The following UPF3A variants were observed in gnomAD, a reference collection of about 807,000 sequenced individuals.
UPF3A encodes the protein regulator of nonsense transcripts 3A.
UPF3A carries 42 observed loss-of-function variants against 53.5 expected under a neutral mutation model. The observed-to-expected ratio is 0.78, with a 90% CI of 0.61 to 1.01. UPF3A has a LOEUF of 1.01. Ranked by LOEUF, UPF3A falls within the 50% of genes least tolerant of loss-of-function variation. The pLI, the probability that UPF3A is intolerant of heterozygous loss-of-function variation, is 0.00. For synonymous variants in UPF3A, 237 were observed against 225.3 expected (o/e 1.05, Z -0.47); for missense variants, 575 against 598.0 (o/e 0.96, Z 0.40).
intron 5 of UPF3A, chr13:114,287,043 C>T (rs2084763370): frequency 6.2e-6 from 1 of 161,592 alleles, no homozygotes; most frequent in Non-Finnish European, 1.4e-5. Flanking sequence ...AACACAAATG[C>T]CAGGCTCCCC....
rs1214944095 is a variant in UPF3A, at chr13:114,281,825, G to A, written c.186G>A (p.Glu62=). Residue 62 remains glutamate, a synonymous_variant, in exon 1 of 10, where the codon GAG becomes GAA. Transcript: ENST00000375299. ...CGGGAGKPRE[E]KRTALSKVVI... is the part of the protein sequence containing the mutation. Reference sequence around the variant, plus strand: ...GCGGTGCGGGCAAACCTCGCGAGGAGAAGAGGACGGCCCTGAGCAAGGTGG... The same window carrying A: ...GCGGTGCGGGCAAACCTCGCGAGGAAAAGAGGACGGCCCTGAGCAAGGTGG... 6.5e-7 allele frequency: 1 copy of A among 1,543,380 alleles called. No individual in the cohort carries two copies. Among genetic ancestry groups the A allele is most frequent in the Non-Finnish European group, 8.8e-7 (1 of 1,142,828 alleles).
intron 7 of UPF3A, among the ~76,000 whole-genome samples, chr13:114,294,557 T>A (rs1410197205): frequency 6.6e-6 from 1 of 152,194 alleles, no homozygotes; most frequent in Non-Finnish European, 1.5e-5. Context: ...CACTCATGGC[T>A]ATTCTTAATA....
At position 114,283,083 on chromosome 13, in the gene UPF3A, C is replaced by T; in HGVS notation, c.421+140C>T. On this transcript the variant is annotated intron_variant, in intron 3 of 9. Coordinates refer to ENST00000375299, the MANE Select transcript of UPF3A (RefSeq NM_023011.4). ...TGTTGCCCAGGCTGGAGTGCAGCAG[C>T]CGCAATCACGGCTCACTGCAGCCTC... 1.4e-5 allele frequency: 9 copies of T among 643,746 alleles called. 2 individuals are homozygous for T. The South Asian group carries it at 1.8e-4, about 13-fold the overall frequency. 39.9% of individuals were successfully genotyped at this position (643,746 alleles called of 1,614,324 possible).
chr13:114,294,592 G>T (rs1259189196), intron 7 of UPF3A, among the ~76,000 whole-genome samples: 2 of 152,180 alleles, frequency 1.3e-5, no homozygotes, highest in East Asian at 3.8e-4. Flanking sequence ...TTGGGAGGCC[G>T]AGGCGGGCGT....
chr13:114,295,917 G>T (rs2085941317), intron 7 of UPF3A, among the ~76,000 whole-genome samples: 1 of 152,200 alleles, frequency 6.6e-6, no homozygotes, highest in Non-Finnish European at 1.5e-5. Flanking sequence ...GGGGGCCCCA[G>T]GCAGCTTCAG....
At chr13:114,296,378 T>C (rs553870916) in intron 7 of UPF3A, among the ~76,000 whole-genome samples, 2 of 151,670 alleles carry the variant, frequency 1.3e-5, no homozygotes, top group African/African-American at 2.4e-5. Flanking sequence ...CAAGACTCCA[T>C]CTCAAAAAAA....
chr13:114,295,080 C>T (rs1406835231), intron 7 of UPF3A, among the ~76,000 whole-genome samples: 2 of 150,096 alleles, frequency 1.3e-5, no homozygotes, highest in Non-Finnish European at 1.5e-5. Flanking sequence ...CCACTGCACT[C>T]CAGCCTGGGC....
intron 7 of UPF3A, among the ~76,000 whole-genome samples, chr13:114,297,437 AT>A (rs1050912318): frequency 2.6e-5 from 4 of 151,854 alleles, no homozygotes; most frequent in Non-Finnish European, 4.4e-5. Context: ...CCTTTTAAAA[AT>A]TTTTTTTTCC....
chr13:114,297,223 T>A (rs200287839), intron 7 of UPF3A, among the ~76,000 whole-genome samples: 10,579 of 135,456 alleles, frequency 0.078, 473 homozygotes, highest in Middle Eastern at 0.15. Context: ...GGTGCTTCCG[T>A]TTTTTTTTTT....
intron 3 of UPF3A, among the ~76,000 whole-genome samples, chr13:114,284,803 C>G (rs2084508255): frequency 6.6e-6 from 1 of 152,086 alleles, no homozygotes; most frequent in Non-Finnish European, 1.5e-5. Flanking sequence ...GTCCTTGTTT[C>G]CGGTTATCTT....
intron 5 of UPF3A, among the ~76,000 whole-genome samples, chr13:114,288,719 G>A (rs1188507123): frequency 6.6e-6 from 1 of 152,182 alleles, no homozygotes; most frequent in South Asian, 2.1e-4. Flanking sequence ...ACCGACAGAC[G>A]GATAGGGTGT....
intron 5 of UPF3A, among the ~76,000 whole-genome samples, chr13:114,288,316 G>A (rs926733364): frequency 1.2e-4 from 18 of 152,224 alleles, no homozygotes; most frequent in African/African-American, 4.1e-4. Context: ...TGACAAAGTG[G>A]AATATGGGAG....
In UPF3A at chr13:114,304,968, G is replaced by A. The variant is rs759804675; in HGVS notation, c.*51G>A. The A allele has an allele frequency of 8.2e-6, 13 of 1,579,804 alleles. No homozygotes were observed. The highest frequency in any genetic ancestry group is 2.3e-5 in the East Asian group (1 of 42,940). ...GGACGAGCAAGGGCATCCCAGAAAC[G>A]TGTAAATGACCCCGAGTGTGACTGG... is the stretch of plus-strand genomic sequence containing the variant. On this transcript the variant is annotated 3_prime_UTR_variant, in exon 10 of 10. Coordinates refer to ENST00000375299, the MANE Select transcript of UPF3A (RefSeq NM_023011.4).
At chr13:114,292,092 T>C in intron 7 of UPF3A, among the ~76,000 whole-genome samples, 1 of 139,540 alleles carries the variant, frequency 7.2e-6, no homozygotes, top group South Asian at 2.2e-4. Context: ...CTGACGCTCT[T>C]TTTTTTTTTT....
intron 4 of UPF3A, 21 bp from the exon 5 acceptor site, chr13:114,286,498 T>C (rs942554683): frequency 6.2e-7 from 1 of 1,609,868 alleles, no homozygotes; most frequent in Non-Finnish European, 8.5e-7. Context: ...ATTTATTTTC[T>C]TCCTACTTTT....
chr13:114,298,826 T>C lies in UPF3A; in HGVS notation c.847-14T>C. ...CTCTCAAGGTGATACTTTACTAACA[T>C]TGTAATTTCTCAGCTTCTTAAGAAA... On this transcript the variant is annotated splice_polypyrimidine_tract_variant and intron_variant, in intron 7 of 9. Coordinates refer to ENST00000375299, the MANE Select transcript of UPF3A (RefSeq NM_023011.4). The C allele has an allele frequency of 6.5e-7, 1 of 1,544,404 alleles. No homozygotes were observed. The highest frequency in any genetic ancestry group is 8.7e-7 in the Non-Finnish European group (1 of 1,150,952).
chr13:114,302,026 G>T lies in UPF3A; in HGVS notation c.1302+1G>T, dbSNP rs774060155. 7.3e-6 allele frequency: 11 copies of T among 1,510,392 alleles called. No homozygotes were observed. Among genetic ancestry groups the T allele is most frequent in the Non-Finnish European group, 9.7e-6 (11 of 1,129,536 alleles). 93.6% of individuals were successfully genotyped at this position (1,510,392 alleles called of 1,614,324 possible). ...CAGAAAAGAGCGACTGGCAAACAAG[G>T]TTTTTATTAAACCCAAAAAGAAAAA... On this transcript the variant is annotated splice_donor_variant, in intron 9 of 9. Transcript: ENST00000375299. LOFTEE classifies it high-confidence loss of function.
intron 7 of UPF3A, among the ~76,000 whole-genome samples, chr13:114,295,072 A>C (rs1057510436): frequency 6.7e-6 from 1 of 150,166 alleles, no homozygotes; most frequent in East Asian, 1.9e-4. Flanking sequence ...AGATTGCGCC[A>C]CTGCACTCCA....
chr13:114,297,115 A>G (rs2086118685), intron 7 of UPF3A, among the ~76,000 whole-genome samples: 2 of 152,162 alleles, frequency 1.3e-5, no homozygotes, highest in South Asian at 4.1e-4. Context: ...GTGTGATTGA[A>G]TGCATCTGTG....
Sources: gnomAD v4.1 joint callset for allele counts (sites outside exome capture counted in the v4.1 genomes callset) on GRCh38, gnomAD v4.1.1 for gene constraint, MANE v1.5 for transcripts, NCBI Gene and HGNC (gene_info 2026-07-23, HGNC 2026-07-21) for gene names.